Variants in OSBPL10 observed in about 807,000 individuals in gnomAD.
OSBPL10 encodes the protein oxysterol-binding protein-related protein 10.
Under a neutral mutation model 81.7 loss-of-function variants are expected in OSBPL10, and 49 were observed. The observed-to-expected ratio is 0.60, with a 90% confidence interval of 0.48 to 0.76. The LOEUF is 0.76. OSBPL10 is among the 30% of genes least tolerant of loss of function. The pLI is 0.00. For missense variants in OSBPL10, 923 were observed against 987.8 expected (o/e 0.93, Z 0.88); for synonymous variants, 419 against 383.6 (o/e 1.09, Z -1.08).
chr3:31,716,822 G>C (rs1441605705), intron 6 of OSBPL10, among the ~76,000 whole-genome samples: 2 of 152,226 alleles, frequency 1.3e-5, no homozygotes, highest in Non-Finnish European at 1.5e-5. Flanking sequence ...TATCACCTTT[G>C]ATTGGATAAG....
intron 1 of OSBPL10, among the ~76,000 whole-genome samples, chr3:31,955,952 T>C (rs941765280): frequency 6.6e-6 from 1 of 152,198 alleles, no homozygotes; most frequent in Non-Finnish European, 1.5e-5. Flanking sequence ...GCAGATGTTA[T>C]GAAGTTTGGC....
chr3:31,940,659 A>C (rs1697509343), intron 1 of OSBPL10, among the ~76,000 whole-genome samples: 1 of 152,012 alleles, frequency 6.6e-6, no homozygotes, highest in African/African-American at 2.4e-5. Flanking sequence ...TGAAGTTCTT[A>C]TCTTTTCCCA....
At chr3:31,733,128 G>T in intron 6 of OSBPL10, 129 bp downstream of exon 6, 2 of 1,301,992 alleles carry the variant, frequency 1.5e-6, no homozygotes, top group Non-Finnish European at 2.1e-6. Flanking sequence ...GTCTCTCCAG[G>T]CAATTCTTCC....
chr3:31,977,095 A>C (rs1698713941), intron 1 of OSBPL10, among the ~76,000 whole-genome samples: 1 of 152,160 alleles, frequency 6.6e-6, no homozygotes, highest in African/African-American at 2.4e-5. Flanking sequence ...AACACAGTCC[A>C]AACAGAACTC....
intron 1 of OSBPL10, among the ~76,000 whole-genome samples, chr3:31,934,022 G>C (rs1407639808): frequency 7.1e-6 from 1 of 139,876 alleles, no homozygotes; most frequent in Non-Finnish European, 1.5e-5. Context: ...CAAATTTTCA[G>C]AACAATTGTA....
At chr3:31,839,025 T>C (rs1700431697) in intron 3 of OSBPL10, among the ~76,000 whole-genome samples, 1 of 152,224 alleles carries the variant, frequency 6.6e-6, no homozygotes, top group Admixed American at 6.5e-5. Flanking sequence ...AGATGGTATC[T>C]AACCAGCCAT....
chr3:31,908,493 T>G (rs1304344831), intron 1 of OSBPL10, among the ~76,000 whole-genome samples: 1 of 152,190 alleles, frequency 6.6e-6, no homozygotes, highest in Non-Finnish European at 1.5e-5. Context: ...TGCAGCCTGA[T>G]AACTTGTTGC....
chr3:31,838,232 C>T (rs1205555153), intron 3 of OSBPL10, among the ~76,000 whole-genome samples: 3 of 152,196 alleles, frequency 2.0e-5, no homozygotes, highest in East Asian at 3.9e-4. Flanking sequence ...ATATTGTGGC[C>T]GGGCACTGTG....
chr3:31,969,013 G>A lies in OSBPL10; in HGVS notation c.281+11886C>T, dbSNP rs549879920. On this transcript the variant is annotated intron_variant, in intron 1 of 11. Transcript: ENST00000396556. ...GTTCTGTTAAACTTTTTAGAGACGA[G>A]GCCACTAAATGAGTCTGCTGCAGTA... Among the ~76,000 whole-genome samples the A allele has an allele frequency of 2.0e-5, 3 of 152,276 alleles. No homozygotes were observed. In the East Asian group the frequency reaches 5.8e-4, roughly 29 times the overall value.
intron 4 of OSBPL10, among the ~76,000 whole-genome samples, chr3:31,766,321 GTTTTTTTGTT>G (rs1318698659): frequency 1.5e-5 from 1 of 68,594 alleles, no homozygotes. Context: ...GCCCAATGTA[GTTTTTTTGTT>G]TTTTTGTTTT....
At chr3:31,945,165 A>G (rs900830821) in intron 1 of OSBPL10, among the ~76,000 whole-genome samples, 2 of 151,700 alleles carry the variant, frequency 1.3e-5, no homozygotes, top group Admixed American at 6.6e-5. Context: ...AAAAAAAAAA[A>G]AAAAACAGGA....
intron 1 of OSBPL10, among the ~76,000 whole-genome samples, chr3:31,920,765 G>T (rs1311909728): frequency 2.0e-5 from 3 of 152,122 alleles, no homozygotes; most frequent in African/African-American, 7.2e-5. Context: ...GGTGATGAGT[G>T]AGTTTTCACT....
intron 1 of OSBPL10, among the ~76,000 whole-genome samples, chr3:31,964,358 G>C (rs1055857500): frequency 2.6e-5 from 4 of 152,134 alleles, no homozygotes; most frequent in Non-Finnish European, 5.9e-5. Flanking sequence ...GGTTTAGCCA[G>C]GTTGCCCAGA....
chr3:32,072,686 C>A (rs1699840325), intron 1 of OSBPL10, among the ~76,000 whole-genome samples: 1 of 152,190 alleles, frequency 6.6e-6, no homozygotes, highest in Non-Finnish European at 1.5e-5. Flanking sequence ...CCCCTCCCTT[C>A]CCTACACATC....
At chr3:32,010,477 G>A (rs768167374) in intron 2 of OSBPL10, among the ~76,000 whole-genome samples, 24 of 152,134 alleles carry the variant, frequency 1.6e-4, no homozygotes, top group South Asian at 4.1e-4. Flanking sequence ...CAAGATGGCC[G>A]AACAGGAACA....
rs756687024 is a variant in OSBPL10, at chr3:31,733,310, C to G, written c.1042G>C (p.Ala348Pro). 1.2e-6 allele frequency: 2 copies of G among 1,612,552 alleles called. No homozygotes were observed. Among genetic ancestry groups the G allele is most frequent in the Admixed American group, 1.7e-5 (1 of 59,530 alleles). Residue 348 changes from alanine to proline, a missense_variant, in exon 6 of 12, where the codon GCA becomes CCA. Ala to Pro is a conservative substitution (Grantham distance 27). Around this residue, in one of 3 missense-constraint regions of OSBPL10, gnomAD observed 514 missense variants for 508.0 expected, o/e 1.01. Transcript: ENST00000396556. ...LPSASANITW[A>P]ILPNSAEDEQ... ...TCTTCAGCAGAGTTTGGTAAAATTG[C>G]CCAGGTTATGTTGGCACTGGCTGAT... is the stretch of plus-strand genomic sequence containing the variant.
At chr3:31,989,897 T>C in intron 2 of OSBPL10, 1 of 1,614,196 alleles carries the variant, frequency 6.2e-7, no homozygotes, top group South Asian at 1.1e-5. Context: ...AAGCGATACC[T>C]TGCATGCCAT....
intron 10 of OSBPL10, among the ~76,000 whole-genome samples, chr3:31,666,930 GTTCCCTA>G (rs1260341606): frequency 1.3e-5 from 2 of 152,166 alleles, no homozygotes; most frequent in Non-Finnish European, 2.9e-5. Flanking sequence ...ACTGTAGCTT[GTTCCCTA>G]TTTCAGTAAA....
intron 6 of OSBPL10, among the ~76,000 whole-genome samples, chr3:31,711,354 G>A (rs1408311766): frequency 2.0e-5 from 3 of 152,212 alleles, no homozygotes; most frequent in African/African-American, 4.8e-5. Context: ...AGAATGCTGT[G>A]ATCAATTAGT....
Sources: gnomAD v4.1 joint callset for allele counts (sites outside exome capture counted in the v4.1 genomes callset) on GRCh38, gnomAD v4.1.1 for gene constraint, gnomAD v4.1.1 regional missense constraint, MANE v1.5 for transcripts, NCBI Gene and HGNC (gene_info 2026-07-23, HGNC 2026-07-21) for gene names.